The following ROBO2 variants were observed in gnomAD, a reference collection of about 807,000 sequenced individuals.
The protein encoded by ROBO2 is roundabout homolog 2.
Under a neutral mutation model 160.8 loss-of-function variants are expected in ROBO2, and 53 were observed. That is an observed-to-expected ratio of 0.33 (90% confidence interval 0.26 to 0.41). ROBO2 has a LOEUF of 0.41. ROBO2 is among the 10% of genes least tolerant of loss of function. The pLI, the probability that ROBO2 is intolerant of heterozygous loss-of-function variation, is 1.00. For missense variants in ROBO2, 1,577 were observed against 1,722.4 expected (o/e 0.92, Z 1.49); for synonymous variants, 664 against 611.7 (o/e 1.09, Z -1.26).
intron 2 of ROBO2, among the ~76,000 whole-genome samples, chr3:76,172,226 G>A (rs990858380): frequency 1.5e-4 from 23 of 150,026 alleles, no homozygotes; most frequent in African/African-American, 5.2e-4. Context: ...CTCATAGGTG[G>A]GAATTGAACA....
At chr3:76,913,012 CA>C (rs1222524057) in intron 2 of ROBO2, among the ~76,000 whole-genome samples, 4 of 151,966 alleles carry the variant, frequency 2.6e-5, no homozygotes, top group African/African-American at 9.7e-5. Flanking sequence ...CTGAGTAACT[CA>C]AGCATAAACA....
intron 16 of ROBO2, 112 bp downstream of exon 17, chr3:77,580,230 C>A: frequency 2.1e-6 from 2 of 975,336 alleles, no homozygotes; most frequent in Non-Finnish European, 3.3e-6. Context: ...TGATAGGGTA[C>A]ACATATCATA....
intron 2 of ROBO2, among the ~76,000 whole-genome samples, chr3:76,574,187 T>A (rs900428312): frequency 2.0e-5 from 3 of 152,088 alleles, no homozygotes; most frequent in Non-Finnish European, 2.9e-5. Flanking sequence ...ATAAACCAAT[T>A]AAACTGATTA....
intron 2 of ROBO2, among the ~76,000 whole-genome samples, chr3:76,284,436 C>A (rs1203133735): frequency 6.6e-6 from 1 of 151,990 alleles, no homozygotes; most frequent in Non-Finnish European, 1.5e-5. Context: ...ACTTAATCAT[C>A]TTAACCTTCC....
intron 2 of ROBO2, among the ~76,000 whole-genome samples, chr3:75,976,032 T>A (rs1466019096): frequency 6.6e-6 from 1 of 151,476 alleles, no homozygotes; most frequent in Non-Finnish European, 1.5e-5. Flanking sequence ...GAAGCAGAAG[T>A]CCCATTGCCA....
At chr3:76,600,901 A>G (rs940054583) in intron 2 of ROBO2, among the ~76,000 whole-genome samples, 1 of 151,990 alleles carries the variant, frequency 6.6e-6, no homozygotes, top group Non-Finnish European at 1.5e-5. Flanking sequence ...AGTTCCTCCC[A>G]CCTATGAGCC....
At chr3:77,369,144 C>T (rs916767564) in intron 2 of ROBO2, among the ~76,000 whole-genome samples, 3 of 152,132 alleles carry the variant, frequency 2.0e-5, no homozygotes, top group Admixed American at 6.6e-5. Context: ...CCAAAGCTGT[C>T]CTGGGACTAG....
chr3:75,984,559 T>C (rs777965547), intron 2 of ROBO2, among the ~76,000 whole-genome samples: 6 of 151,534 alleles, frequency 4.0e-5, no homozygotes, highest in Non-Finnish European at 7.4e-5. Flanking sequence ...ATTTTTATAC[T>C]ATAGTCATTA....
intron 2 of ROBO2, among the ~76,000 whole-genome samples, chr3:76,777,839 T>C (rs2062376954): frequency 6.6e-6 from 1 of 151,088 alleles, no homozygotes; most frequent in East Asian, 2.0e-4. Context: ...CCTAAAGGCT[T>C]CTTGTGTATT....
chr3:76,500,740 G>A (rs1199791856), intron 2 of ROBO2, among the ~76,000 whole-genome samples: 1 of 152,174 alleles, frequency 6.6e-6, no homozygotes, highest in Non-Finnish European at 1.5e-5. Context: ...AGTTCTAGAA[G>A]ATAAAGTTGG....
At chr3:77,204,040 C>A (rs929055372) in intron 2 of ROBO2, among the ~76,000 whole-genome samples, 6 of 152,118 alleles carry the variant, frequency 3.9e-5, no homozygotes, top group African/African-American at 1.4e-4. Flanking sequence ...ATGAACACAA[C>A]TTACAGAGGA....
chr3:76,192,122 A>G (rs1436221266), intron 2 of ROBO2, among the ~76,000 whole-genome samples: 1 of 151,238 alleles, frequency 6.6e-6, no homozygotes, highest in African/African-American at 2.4e-5. Flanking sequence ...ATTGGCTTAC[A>G]AATCCTGCCA....
Position 76,226,575 on chromosome 3 carries a change from ATCAATT to A in ROBO2, c.109+288974_109+288979del, listed in dbSNP as rs879811976. Among the ~76,000 whole-genome samples, 13 of 152,200 alleles carry A rather than the reference ATCAATT, an allele frequency of 8.5e-5. 1 individual carries two copies. Among genetic ancestry groups the A allele is most frequent in the Non-Finnish European group, 1.9e-4 (13 of 68,022 alleles). On this transcript the variant is annotated intron_variant, in intron 2 of 26. Transcript: ENST00000487694. ...CAAAGTTTGGACCAGTTTTTAACAA[ATCAATT>A]ATAATGTATTTTTTTATTGTCTCAA...
chr3:77,186,476 G>T (rs931254355), intron 2 of ROBO2, among the ~76,000 whole-genome samples: 1 of 151,994 alleles, frequency 6.6e-6, no homozygotes, highest in Non-Finnish European at 1.5e-5. Context: ...GAGCATGCAG[G>T]CAAGGCTGAG....
chr3:76,306,029 G>A (rs748405852), intron 2 of ROBO2, among the ~76,000 whole-genome samples: 1 of 152,066 alleles, frequency 6.6e-6, no homozygotes, highest in African/African-American at 2.4e-5. Flanking sequence ...CATGTGAGTT[G>A]CACTCTTTCA....
At chr3:77,536,440 A>C (rs949709100) in intron 6 of ROBO2, among the ~76,000 whole-genome samples, 1 of 145,466 alleles carries the variant, frequency 6.9e-6, no homozygotes. Context: ...CTCTCCCTCC[A>C]TCTCTTTCCT....
At chr3:76,214,177 G>T (rs528370867) in intron 2 of ROBO2, among the ~76,000 whole-genome samples, 1 of 152,142 alleles carries the variant, frequency 6.6e-6, no homozygotes, top group Non-Finnish European at 1.5e-5. Context: ...AAAGACAATA[G>T]CAATGTGATA....
At position 77,292,559 on chromosome 3, in the gene ROBO2, G is replaced by A. The variant is rs138934714; in HGVS notation, c.389-184855G>A. On this transcript the variant is annotated intron_variant, in intron 2 of 25. Coordinates refer to ENST00000461745, the Ensembl canonical transcript of ROBO2. ...GAGGCTAGATCACCCAAGACATAAA[G>A]TAAAATTGATGGTTAAATGGGTAAG... 2.1e-3 allele frequency among the ~76,000 whole-genome samples: 311 copies of A among 151,666 alleles called. 4 individuals carry two copies. The highest frequency in any genetic ancestry group is 7.2e-3 in the African/African-American group (297 of 41,384).
At chr3:76,367,693 A>G (rs933604237) in intron 2 of ROBO2, among the ~76,000 whole-genome samples, 2 of 152,038 alleles carry the variant, frequency 1.3e-5, no homozygotes, top group African/African-American at 4.8e-5. Flanking sequence ...GAGAAAAAAA[A>G]TGCCTAAATA....
Sources: allele counts gnomAD v4.1 joint callset (sites outside exome capture counted in the v4.1 genomes callset), GRCh38; gene constraint gnomAD v4.1.1; transcripts MANE v1.5; gene names NCBI Gene and HGNC (gene_info 2026-07-23, HGNC 2026-07-21).